Variants in CAMKMT observed in about 807,000 individuals in gnomAD.
The protein encoded by CAMKMT is calmodulin-lysine N-methyltransferase.
Under a neutral mutation model 48.0 loss-of-function variants are expected in CAMKMT, and 53 were observed. The observed-to-expected ratio is 1.10, with a 90% CI of 0.89 to 1.39. The LOEUF (loss-of-function observed/expected upper bound fraction) is 1.39. CAMKMT is among the 40% of genes most tolerant of loss of function. CAMKMT has a pLI of 0.00. For missense variants in CAMKMT, 428 were observed against 402.7 expected (o/e 1.06, Z -0.54); for synonymous variants, 165 against 152.3 (o/e 1.08, Z -0.61).
chr2:44,550,123 G>A (rs551806205), intron 3 of CAMKMT, among the ~76,000 whole-genome samples: 1 of 152,230 alleles, frequency 6.6e-6, no homozygotes, highest in South Asian at 2.1e-4. Context: ...ACAGCCACTG[G>A]GCGTGGTGAT....
At chr2:44,755,763 C>T (rs908051644) in intron 9 of CAMKMT, among the ~76,000 whole-genome samples, 22 of 152,286 alleles carry the variant, frequency 1.4e-4, no homozygotes, top group African/African-American at 4.8e-4. Flanking sequence ...CGTGGCCACA[C>T]GCAGCAGCCC....
At chr2:44,730,377 A>G (rs1336142555) in intron 7 of CAMKMT, among the ~76,000 whole-genome samples, 1 of 152,336 alleles carries the variant, frequency 6.6e-6, no homozygotes, top group East Asian at 1.9e-4. Flanking sequence ...ACATAGGGCC[A>G]TCGGTAATTC....
chr2:44,418,479 G>C (rs1455359466), intron 3 of CAMKMT, among the ~76,000 whole-genome samples: 1 of 151,852 alleles, frequency 6.6e-6, no homozygotes, highest in Non-Finnish European at 1.5e-5. Flanking sequence ...TGGTTGTTTT[G>C]GTATCATTGA....
At chr2:44,389,994 A>G in intron 2 of CAMKMT, among the ~76,000 whole-genome samples, 1 of 152,208 alleles carries the variant, frequency 6.6e-6, no homozygotes, top group East Asian at 1.9e-4. Flanking sequence ...ACAAGTAAAT[A>G]TTATTTGTTA....
chr2:44,635,928 C>G (rs1173435706), intron 3 of CAMKMT, among the ~76,000 whole-genome samples: 1 of 152,186 alleles, frequency 6.6e-6, no homozygotes, highest in African/African-American at 2.4e-5. Context: ...AAATGAGTCA[C>G]AGCAAACAAT....
At chr2:44,598,614 T>G in intron 3 of CAMKMT, among the ~76,000 whole-genome samples, 2 of 150,332 alleles carry the variant, frequency 1.3e-5, no homozygotes, top group Non-Finnish European at 2.9e-5. Context: ...AAAGTAGAAA[T>G]ACAATGATTA....
intron 3 of CAMKMT, among the ~76,000 whole-genome samples, chr2:44,403,077 C>G (rs1475849710): frequency 2.6e-5 from 4 of 152,092 alleles, no homozygotes; most frequent in African/African-American, 9.7e-5. Context: ...GGAAGGGACA[C>G]TGATATTACA....
intron 3 of CAMKMT, among the ~76,000 whole-genome samples, chr2:44,592,417 A>G (rs1277472992): frequency 1.3e-5 from 2 of 152,074 alleles, no homozygotes; most frequent in Non-Finnish European, 1.5e-5. Flanking sequence ...TATAGAATCT[A>G]TAGTGATGCC....
At chr2:44,709,681 A>G (rs1030811219) in intron 6 of CAMKMT, among the ~76,000 whole-genome samples, 1 of 152,102 alleles carries the variant, frequency 6.6e-6, no homozygotes, top group African/African-American at 2.4e-5. Context: ...ATCACATACT[A>G]TTGATGCATA....
chr2:44,705,118 A>G (rs1170376457), intron 4 of CAMKMT, among the ~76,000 whole-genome samples: 1 of 152,176 alleles, frequency 6.6e-6, no homozygotes, highest in African/African-American at 2.4e-5. Flanking sequence ...GTATGTACTT[A>G]CAAGATTGGG....
chr2:44,719,523 G>A (rs1678351356), intron 7 of CAMKMT, among the ~76,000 whole-genome samples: 1 of 152,156 alleles, frequency 6.6e-6, no homozygotes, highest in South Asian at 2.1e-4. Flanking sequence ...TGTTCTTGAA[G>A]GCAAGAATTC....
At chr2:44,562,750 G>C (rs1427377075) in intron 3 of CAMKMT, among the ~76,000 whole-genome samples, 1 of 152,126 alleles carries the variant, frequency 6.6e-6, no homozygotes, top group Non-Finnish European at 1.5e-5. Flanking sequence ...TAGTAGAGAC[G>C]GGGTTTCAAC....
chr2:44,664,473 T>C (rs1321905123), intron 3 of CAMKMT, among the ~76,000 whole-genome samples: 2 of 152,262 alleles, frequency 1.3e-5, no homozygotes, highest in Non-Finnish European at 2.9e-5. Flanking sequence ...GGGTATAGAA[T>C]AGATGTGTAA....
chr2:44,757,704 C>T (rs1414510333), intron 9 of CAMKMT, among the ~76,000 whole-genome samples: 1 of 151,958 alleles, frequency 6.6e-6, no homozygotes, highest in East Asian at 1.9e-4. Context: ...GCTGGGATTA[C>T]AGACACGCAC....
At chr2:44,722,661 A>G (rs1678535405) in intron 7 of CAMKMT, among the ~76,000 whole-genome samples, 1 of 152,184 alleles carries the variant, frequency 6.6e-6, no homozygotes. Context: ...GTAAGTTTGA[A>G]ACATTAAAAA....
chr2:44,416,264 T>G (rs1232794419), intron 3 of CAMKMT, among the ~76,000 whole-genome samples: 1 of 152,124 alleles, frequency 6.6e-6, no homozygotes, highest in East Asian at 1.9e-4. Context: ...TAATGTATGA[T>G]TTAGTTTACT....
intron 3 of CAMKMT, among the ~76,000 whole-genome samples, chr2:44,588,600 T>G (rs1324636503): frequency 4.1e-5 from 1 of 24,600 alleles, no homozygotes; most frequent in Non-Finnish European, 8.0e-5. Flanking sequence ...AGGAGGGAGG[T>G]GGGGGGTCAG....
chr2:44,540,055 A>C (rs1046952347), intron 3 of CAMKMT, among the ~76,000 whole-genome samples: 3 of 152,104 alleles, frequency 2.0e-5, no homozygotes, highest in African/African-American at 7.2e-5. Context: ...TGCCCAAATC[A>C]ATTATTAATA....
intron 7 of CAMKMT, among the ~76,000 whole-genome samples, chr2:44,735,037 A>G (rs1202974805): frequency 1.3e-5 from 2 of 152,148 alleles, no homozygotes; most frequent in Non-Finnish European, 1.5e-5. Context: ...AAGCTCTGTT[A>G]TTCAGTGCGT....
Sources: allele counts gnomAD v4.1 joint callset (sites outside exome capture counted in the v4.1 genomes callset), GRCh38; gene constraint gnomAD v4.1.1; transcripts MANE v1.5; gene names NCBI Gene and HGNC (gene_info 2026-07-23, HGNC 2026-07-21).